THSD4: variants seen among roughly 807,000 people sequenced by gnomAD.
THSD4 encodes thrombospondin type 1 domain containing 4.
A neutral mutation model predicts 119.0 loss-of-function variants in THSD4; 69 were observed. The observed-to-expected ratio is 0.58, with a 90% confidence interval of 0.48 to 0.71. THSD4 has a LOEUF of 0.71. Ranked by LOEUF, THSD4 falls within the 30% of genes least tolerant of loss-of-function variation. The pLI is 0.00. For synonymous variants in THSD4, 524 were observed against 540.4 expected (o/e 0.97, Z 0.42); for missense variants, 1,393 against 1,391.1 (o/e 1.00, Z -0.02).
At chr15:71,450,315 A>T (rs886709083) in intron 7 of THSD4, among the ~76,000 whole-genome samples, 5 of 152,186 alleles carry the variant, frequency 3.3e-5, no homozygotes, top group African/African-American at 1.2e-4. Context: ...TTGTAGGCCC[A>T]GGTGAGAATA....
At chr15:71,359,972 C>G (rs985909244) in intron 6 of THSD4, among the ~76,000 whole-genome samples, 3 of 152,204 alleles carry the variant, frequency 2.0e-5, no homozygotes, top group Non-Finnish European at 4.4e-5. Flanking sequence ...TAACAGACCA[C>G]CCCAAAATTG....
chr15:71,415,173 G>A (rs1037017135), intron 7 of THSD4, among the ~76,000 whole-genome samples: 3 of 152,186 alleles, frequency 2.0e-5, no homozygotes, highest in Non-Finnish European at 2.9e-5. Context: ...GAAATAGCCA[G>A]GCTTGCAAGA....
In THSD4 at chr15:71,711,096, C is replaced by CACATAT. The variant is rs34863457; in HGVS notation, c.1358-17452_1358-17451insCATATA. Among the ~76,000 whole-genome samples the CACATAT allele has an allele frequency of 2.8e-3, 358 of 129,424 alleles. 1 individual carries two copies. The highest frequency in any genetic ancestry group is 9.4e-3 in the African/African-American group (347 of 37,050). The allele number at this position is 129,424 out of a possible 152,430, so 84.9% of individuals were successfully genotyped here. On this transcript the variant is annotated intron_variant, in intron 8 of 17. Transcript: ENST00000261862. ...AAATATATATATGTATATATATATA[C>CACATAT]ATATATATATATAACATTGGGAGAA...
chr15:71,161,431 G>T (rs2043248879), intron 3 of THSD4, among the ~76,000 whole-genome samples: 1 of 152,064 alleles, frequency 6.6e-6, no homozygotes, highest in Non-Finnish European at 1.5e-5. Context: ...AGATGCTCCA[G>T]TGTTGGGTGC....
chr15:71,620,462 G>A lies in THSD4; in HGVS notation c.1153-40068G>A, dbSNP rs553816458. Among the ~76,000 whole-genome samples, 10 of 151,932 alleles carry A rather than the reference G, an allele frequency of 6.6e-5. No individual in the cohort carries two copies. In the South Asian group the frequency reaches 1.3e-3, roughly 19 times the overall value. On this transcript the variant is annotated intron_variant, in intron 7 of 17. Coordinates refer to ENST00000261862, the MANE Select transcript of THSD4 (RefSeq NM_024817.3). ...AATAATAATAATAACAAAATTCGCC[G>A]GGCATGGTGGTGCATGCCCGGAGTC...
intron 4 of THSD4, among the ~76,000 whole-genome samples, chr15:71,222,891 G>A (rs2140256878): frequency 6.6e-6 from 1 of 152,326 alleles, no homozygotes. Flanking sequence ...CAGCTTCTGG[G>A]ATTGACAGGT....
intron 7 of THSD4, among the ~76,000 whole-genome samples, chr15:71,651,467 C>T (rs569453665): frequency 2.1e-4 from 32 of 152,314 alleles, no homozygotes; most frequent in Non-Finnish European, 4.4e-4. Flanking sequence ...CTTTCGTTGC[C>T]AGCCTTTTCT....
At chr15:71,763,456 A>C (rs2053659138) in intron 15 of THSD4, among the ~76,000 whole-genome samples, 1 of 152,222 alleles carries the variant, frequency 6.6e-6, no homozygotes, top group Admixed American at 6.5e-5. Context: ...CACGCCTGTA[A>C]TCCCAGAACG....
upstream of THSD4, chr15:71,112,007 C>A (rs549547628): frequency 1.3e-5 from 16 of 1,204,912 alleles, no homozygotes; most frequent in Middle Eastern, 3.9e-4. Context: ...AAGTTTCCCC[C>A]CAAAGGGTCC....
chr15:71,600,187 ACT>A (rs1444335421), intron 7 of THSD4, among the ~76,000 whole-genome samples: 1 of 152,130 alleles, frequency 6.6e-6, no homozygotes, highest in Non-Finnish European at 1.5e-5. Context: ...TGCAAGACTT[ACT>A]CACTCAGAAA....
chr15:71,732,836 C>T (rs4777451), intron 10 of THSD4: 88,020 of 152,010 alleles, frequency 0.58, 28,427 homozygotes, highest in East Asian at 0.8. Context: ...AATAAAGGCA[C>T]AAGTGCCAAA....
intron 7 of THSD4, among the ~76,000 whole-genome samples, chr15:71,482,643 T>C (rs575498149): frequency 2.6e-4 from 39 of 151,276 alleles, no homozygotes; most frequent in African/African-American, 9.5e-4. Flanking sequence ...TGGAGTACAG[T>C]GACTCGATCT....
intron 8 of THSD4, among the ~76,000 whole-genome samples, chr15:71,718,126 G>A (rs534826337): frequency 6.7e-6 from 1 of 148,900 alleles, no homozygotes; most frequent in African/African-American, 2.5e-5. Flanking sequence ...GCCAGCCTGG[G>A]CAACAGAGCG....
intron 3 of THSD4, among the ~76,000 whole-genome samples, chr15:71,181,513 C>T (rs1395496332): frequency 2.0e-5 from 3 of 152,126 alleles, no homozygotes; most frequent in African/African-American, 7.2e-5. Flanking sequence ...TTGTTTAGGG[C>T]CAGGATTCCC....
intron 6 of THSD4, among the ~76,000 whole-genome samples, chr15:71,277,465 C>G (rs1479050797): frequency 1.3e-5 from 2 of 152,116 alleles, no homozygotes; most frequent in African/African-American, 4.8e-5. Flanking sequence ...CTGCCTTCAG[C>G]CTAAACAGTG....
rs1341298847 is a variant in THSD4 at position 71,388,659 on chromosome 15, A to AGT, written c.1016-23027_1016-23026insTG. ...TTCGAGTATTGATTTGATTCTTTGG[A>AGT]GAGAGTGTGTGTGTGTGTGTGTGTG... On this transcript the variant is annotated intron_variant, in intron 6 of 17. Coordinates refer to ENST00000261862, the MANE Select transcript of THSD4 (RefSeq NM_024817.3). 3.3e-4 allele frequency among the ~76,000 whole-genome samples: 22 copies of AGT among 66,638 alleles called. 1 individual carries two copies. The highest frequency in any genetic ancestry group is 3.0e-3 in the Admixed American group (18 of 6,084). The allele number at this position is 66,638 out of a possible 152,430, so 43.7% of individuals were successfully genotyped here.
intron 11 of THSD4, 63 bp downstream of exon 11, chr15:71,738,070 C>A: frequency 6.3e-7 from 1 of 1,583,930 alleles, no homozygotes; most frequent in Non-Finnish European, 8.6e-7. Flanking sequence ...GTGTGGGTGG[C>A]CCAAGGCAGC....
chr15:71,570,830 G>A (rs754551991), intron 7 of THSD4, among the ~76,000 whole-genome samples: 1 of 152,210 alleles, frequency 6.6e-6, no homozygotes, highest in Non-Finnish European at 1.5e-5. Context: ...TGTCTGGGAA[G>A]ATTCATTCCA....
At chr15:71,230,050 T>G (rs2044047956) in intron 4 of THSD4, among the ~76,000 whole-genome samples, 1 of 152,198 alleles carries the variant, frequency 6.6e-6, no homozygotes, top group Admixed American at 6.5e-5. Context: ...TCAGCAGAAC[T>G]TACTGCTGAA....
Sources: gnomAD v4.1 joint callset for allele counts (sites outside exome capture counted in the v4.1 genomes callset) on GRCh38, gnomAD v4.1.1 for gene constraint, MANE v1.5 for transcripts, NCBI Gene and HGNC (gene_info 2026-07-23, HGNC 2026-07-21) for gene names.